Variants in SLC35F4 observed in about 807,000 individuals in gnomAD.
SLC35F4 encodes the protein chromosome 14 open reading frame 36.
A neutral mutation model predicts 44.2 loss-of-function variants in SLC35F4; 24 were observed. The ratio of observed to expected loss-of-function variants is 0.54; its 90% CI spans 0.39 to 0.76. The LOEUF is 0.76. SLC35F4 is among the 30% of genes least tolerant of loss of function. The pLI is 0.00. For missense variants in SLC35F4, 562 were observed against 586.1 expected (o/e 0.96, Z 0.42); for synonymous variants, 238 against 223.6 (o/e 1.06, Z -0.57).
chr14:57,905,182 C>T (rs780716649), intron 1 of SLC35F4, among the ~76,000 whole-genome samples: 8 of 152,212 alleles, frequency 5.3e-5, no homozygotes, highest in Non-Finnish European at 8.8e-5. Flanking sequence ...AGGTGACTCA[C>T]TCTGATGCCT....
chr14:57,696,855 GGGA>G (rs2075396700), intron 1 of SLC35F4, among the ~76,000 whole-genome samples: 3 of 152,188 alleles, frequency 2.0e-5, no homozygotes, highest in African/African-American at 7.2e-5. Flanking sequence ...ACTCATAAGT[GGGA>G]ACTGAACAAT....
intron 1 of SLC35F4, among the ~76,000 whole-genome samples, chr14:57,613,511 G>A (rs1035061114): frequency 1.3e-5 from 2 of 152,158 alleles, no homozygotes; most frequent in Non-Finnish European, 2.9e-5. Context: ...TTGTTCCAAC[G>A]ATAGGCTTTT....
chr14:57,627,623 T>C (rs1378957252), intron 1 of SLC35F4, among the ~76,000 whole-genome samples: 1 of 152,114 alleles, frequency 6.6e-6, no homozygotes, highest in Non-Finnish European at 1.5e-5. Flanking sequence ...GTCTCTTAGA[T>C]GAACCCAAGA....
intron 1 of SLC35F4, among the ~76,000 whole-genome samples, chr14:57,827,071 C>A (rs1230650302): frequency 6.6e-6 from 1 of 152,010 alleles, no homozygotes; most frequent in Non-Finnish European, 1.5e-5. Flanking sequence ...ATGTTCATTG[C>A]AGCACTATTC....
intron 1 of SLC35F4, among the ~76,000 whole-genome samples, chr14:57,951,237 G>A (rs1050330950): frequency 9.2e-5 from 14 of 152,256 alleles, no homozygotes; most frequent in South Asian, 4.2e-4. Context: ...GTGCTGTGAG[G>A]AATGGTTCAT....
At chr14:57,771,529 T>C (rs1216492216) in intron 1 of SLC35F4, among the ~76,000 whole-genome samples, 1 of 151,954 alleles carries the variant, frequency 6.6e-6, no homozygotes, top group Admixed American at 6.6e-5. Context: ...CTGCTACAAA[T>C]TGTTTTCCTG....
At chr14:57,591,796 C>T (rs1395238045) in intron 2 of SLC35F4, among the ~76,000 whole-genome samples, 1 of 152,168 alleles carries the variant, frequency 6.6e-6, no homozygotes, top group Non-Finnish European at 1.5e-5. Context: ...AAAGGTGTAC[C>T]CTACTACACT....
chr14:57,964,407 TA>T (rs34459578), intron 1 of SLC35F4, among the ~76,000 whole-genome samples: 70,961 of 150,592 alleles, frequency 0.47, 18,293 homozygotes, highest in East Asian at 0.78. Context: ...ACTCTAAATT[TA>T]AAAAAAAAAT....
At chr14:57,931,478 C>T (rs774271943) in intron 1 of SLC35F4, among the ~76,000 whole-genome samples, 3 of 152,182 alleles carry the variant, frequency 2.0e-5, no homozygotes, top group Non-Finnish European at 2.9e-5. Flanking sequence ...AATGCATGTG[C>T]AGATGTGATG....
intron 1 of SLC35F4, among the ~76,000 whole-genome samples, chr14:57,771,922 A>G (rs1343640824): frequency 6.6e-6 from 1 of 152,138 alleles, no homozygotes; most frequent in African/African-American, 2.4e-5. Flanking sequence ...AAGCATAGCT[A>G]TCTTTTGTAG....
At chr14:57,587,317 C>A (rs541811555) in intron 3 of SLC35F4, among the ~76,000 whole-genome samples, 1 of 152,166 alleles carries the variant, frequency 6.6e-6, no homozygotes, top group Non-Finnish European at 1.5e-5. Context: ...AAAAGACACA[C>A]GCACACGTAT....
intron 1 of SLC35F4, among the ~76,000 whole-genome samples, chr14:57,655,054 AT>A (rs1455110822): frequency 2.0e-5 from 3 of 151,926 alleles, no homozygotes; most frequent in Non-Finnish European, 4.4e-5. Context: ...TATCTCCACC[AT>A]CTCAGAATCA....
At chr14:57,607,391 A>C (rs1415622216) in intron 1 of SLC35F4, among the ~76,000 whole-genome samples, 1 of 152,324 alleles carries the variant, frequency 6.6e-6, no homozygotes, top group East Asian at 1.9e-4. Context: ...AAATGAAACT[A>C]TTCGCAAGTT....
chr14:57,865,802 G>T lies in SLC35F4; in HGVS notation c.24C>A (p.Asn8Lys), dbSNP rs1449075395. 6.6e-7 allele frequency: 1 copy of T among 1,519,406 alleles called. No individual in the cohort carries two copies. Among genetic ancestry groups the T allele is most frequent in the Non-Finnish European group, 8.8e-7 (1 of 1,140,114 alleles). The allele number at this position is 1,519,406 out of a possible 1,614,324, so 94.1% of individuals were successfully genotyped here. A position where few individuals can be genotyped will look rare whatever the true frequency, so the allele number is the denominator to read the frequency against. Residue 8 changes from asparagine to lysine, a missense_variant, in exon 1 of 8, where the codon AAC becomes AAA. Coordinates refer to ENST00000556826, the MANE Select transcript of SLC35F4 (RefSeq NM_001306087.2). ...TCCGGTCCTCGATAGTGGCCACCCC[G>T]TTGGGGGCCGCCTTGACATCCATAG... MDVKAAPNGVATIEDRIL... is the reference protein window; with the variant it reads MDVKAAPKGVATIEDRIL...
intron 1 of SLC35F4, among the ~76,000 whole-genome samples, chr14:57,671,743 A>T (rs190376824): frequency 6.6e-6 from 1 of 152,156 alleles, no homozygotes; most frequent in East Asian, 1.9e-4. Context: ...TTTACTTACC[A>T]ACTCCTGCAT....
intron 1 of SLC35F4, among the ~76,000 whole-genome samples, chr14:57,755,686 C>T (rs1566826038): frequency 6.6e-6 from 1 of 152,076 alleles, no homozygotes; most frequent in Non-Finnish European, 1.5e-5. Context: ...TTTAATAATT[C>T]CAAATTCTCT....
intron 1 of SLC35F4, among the ~76,000 whole-genome samples, chr14:57,609,191 T>C (rs1469369007): frequency 6.6e-6 from 1 of 152,210 alleles, no homozygotes; most frequent in Admixed American, 6.5e-5. Context: ...GGAGAAAAGA[T>C]GGCATATGGC....
intron 1 of SLC35F4, among the ~76,000 whole-genome samples, chr14:57,860,144 AG>A (rs1246865136): frequency 2.6e-5 from 4 of 152,200 alleles, no homozygotes; most frequent in Non-Finnish European, 1.5e-5. Context: ...CAGCCGTCCA[AG>A]CACCCAGAGA....
chr14:57,598,511 C>T (rs1405036354), intron 1 of SLC35F4, among the ~76,000 whole-genome samples: 2 of 152,150 alleles, frequency 1.3e-5, no homozygotes, highest in East Asian at 3.8e-4. Context: ...ATGTGAAGTT[C>T]TCAGATAACA....
Sources: gnomAD v4.1 joint callset for allele counts (sites outside exome capture counted in the v4.1 genomes callset) on GRCh38, gnomAD v4.1.1 for gene constraint, MANE v1.5 for transcripts, NCBI Gene and HGNC (gene_info 2026-07-23, HGNC 2026-07-21) for gene names.